DIAPH2: variants seen among roughly 807,000 people sequenced by gnomAD.
The protein encoded by DIAPH2 is protein diaphanous homolog 2.
In DIAPH2, 35 loss-of-function variants were observed where a neutral mutation model predicts 92.7. The ratio of observed to expected loss-of-function variants is 0.38; its 90% CI spans 0.29 to 0.50. The LOEUF (loss-of-function observed/expected upper bound fraction) is 0.50, where lower values mean the gene tolerates loss of function less well. Among genes scored for constraint, DIAPH2 ranks in the 20% least tolerant of loss-of-function variants. The pLI, the probability that DIAPH2 is intolerant of heterozygous loss-of-function variation, is 0.94. For synonymous variants in DIAPH2, 301 were observed against 280.4 expected, an observed-to-expected ratio of 1.07 and a Z score of -0.73; for missense variants, 701 against 819.5, an observed-to-expected ratio of 0.86 and a Z score of 1.77.
At chrX:97,411,830 A>T (rs982914294) in intron 25 of DIAPH2, among the ~76,000 whole-genome samples, 2 of 112,082 alleles carry the variant, frequency 1.8e-5, no homozygotes, top group African/African-American at 6.5e-5. Flanking sequence ...TGGTAAAGGG[A>T]TCAATTCAAC....
intron 22 of DIAPH2, among the ~76,000 whole-genome samples, chrX:97,162,153 T>A (rs1200254761): frequency 2.7e-5 from 3 of 111,321 alleles, no homozygotes; most frequent in Non-Finnish European, 5.6e-5. Flanking sequence ...TCTTTTTTTC[T>A]CCCCACTAAT....
intron 1 of DIAPH2, among the ~76,000 whole-genome samples, chrX:96,696,331 A>AT (rs764924163): frequency 8.9e-6 from 1 of 112,327 alleles, no homozygotes; most frequent in South Asian, 3.7e-4. Context: ...CAAGTCTTTT[A>AT]TTTTTCTTCT....
At chrX:97,369,347 TGTA>T (rs1274365910) in intron 24 of DIAPH2, among the ~76,000 whole-genome samples, 1 of 111,462 alleles carries the variant, frequency 9.0e-6, no homozygotes, top group African/African-American at 3.3e-5. Flanking sequence ...GAGTGCATCT[TGTA>T]GTGATGGTTA....
At chrX:96,770,908 A>G (rs1215825333) in intron 4 of DIAPH2, among the ~76,000 whole-genome samples, 1 of 111,823 alleles carries the variant, frequency 8.9e-6, no homozygotes, top group African/African-American at 3.2e-5. Context: ...CCATTTCCTA[A>G]TGTTTTAACA....
intron 22 of DIAPH2, among the ~76,000 whole-genome samples, chrX:97,172,109 C>A (rs2067459124): frequency 9.0e-6 from 1 of 111,555 alleles, no homozygotes. Flanking sequence ...AGTTGAGGAA[C>A]TTTAGTTTAT....
intron 19 of DIAPH2, among the ~76,000 whole-genome samples, chrX:97,095,022 C>T (rs772628315): frequency 2.9e-5 from 3 of 104,495 alleles, no homozygotes; most frequent in Admixed American, 1.1e-4. Context: ...TGTTTTCTGA[C>T]CAAGCAAAAT....
chrX:97,496,785 A>G (rs1379206949), intron 26 of DIAPH2, among the ~76,000 whole-genome samples: 1 of 107,893 alleles, frequency 9.3e-6, no homozygotes, highest in East Asian at 2.9e-4. Flanking sequence ...TGATCCGCCC[A>G]CATCGGCCTC....
At chrX:97,479,036 C>G (rs2070631122) in intron 26 of DIAPH2, among the ~76,000 whole-genome samples, 2 of 111,646 alleles carry the variant, frequency 1.8e-5, no homozygotes, top group Admixed American at 1.9e-4. Flanking sequence ...GACTTGAAAG[C>G]TATTCCAGCA....
intron 22 of DIAPH2, among the ~76,000 whole-genome samples, chrX:97,153,301 G>T (rs748945650): frequency 9.0e-6 from 1 of 111,712 alleles, no homozygotes; most frequent in East Asian, 2.8e-4. Flanking sequence ...ATGAAGGTCA[G>T]ACCAGGCGCT....
chrX:96,690,798 T>C (rs2063794529), intron 1 of DIAPH2, among the ~76,000 whole-genome samples: 1 of 112,161 alleles, frequency 8.9e-6, no homozygotes, highest in Non-Finnish European at 1.9e-5. Context: ...TTCCATTTGA[T>C]ATCTGTGACA....
intron 23 of DIAPH2, among the ~76,000 whole-genome samples, chrX:97,324,523 GTTT>G (rs1247802832): frequency 1.8e-5 from 2 of 111,844 alleles, no homozygotes; most frequent in African/African-American, 3.2e-5. Context: ...ATGCGTTTTT[GTTT>G]TTAATGACGG....
At chrX:96,871,235 G>A (rs1004024966) in intron 4 of DIAPH2, among the ~76,000 whole-genome samples, 3 of 110,534 alleles carry the variant, frequency 2.7e-5, no homozygotes, top group Non-Finnish European at 3.8e-5. Flanking sequence ...TTGGGAGGCC[G>A]AGGCGGGAGG....
chrX:97,099,084 A>G (rs1344094488), intron 19 of DIAPH2, among the ~76,000 whole-genome samples: 1 of 112,145 alleles, frequency 8.9e-6, no homozygotes, highest in Admixed American at 9.4e-5. Flanking sequence ...TTTTAGTATT[A>G]TTGTACCTAA....
At chrX:96,814,546 CTCCA>C (rs1405157406) in intron 4 of DIAPH2, among the ~76,000 whole-genome samples, 1 of 112,359 alleles carries the variant, frequency 8.9e-6, no homozygotes, top group Non-Finnish European at 1.9e-5. Context: ...CAAAGTCATT[CTCCA>C]TCCAGTTTTG....
chrX:97,069,523 A>G (rs1176002801), intron 17 of DIAPH2, among the ~76,000 whole-genome samples: 1 of 111,225 alleles, frequency 9.0e-6, no homozygotes, highest in Non-Finnish European at 1.9e-5. Context: ...TTTTGGGGAT[A>G]CTTCCATAAT....
At chrX:97,212,597 T>G (rs991081525) in intron 22 of DIAPH2, among the ~76,000 whole-genome samples, 153 of 106,829 alleles carry the variant, frequency 1.4e-3, no homozygotes, top group African/African-American at 4.6e-3. Context: ...TTTGTTTTTT[T>G]TTTTTTTTTT....
chrX:97,412,901 G>A (rs1002381944), intron 25 of DIAPH2, among the ~76,000 whole-genome samples: 5 of 112,031 alleles, frequency 4.5e-5, no homozygotes, highest in Admixed American at 1.9e-4. Flanking sequence ...CTGAAATTGA[G>A]GCAATAATTA....
At chrX:96,809,703 T>G (rs1308174475) in intron 4 of DIAPH2, among the ~76,000 whole-genome samples, 1 of 110,915 alleles carries the variant, frequency 9.0e-6, no homozygotes, top group Non-Finnish European at 1.9e-5. Context: ...GTGTGTGATG[T>G]GCCCCACCCT....
intron 4 of DIAPH2, among the ~76,000 whole-genome samples, chrX:96,837,755 C>T (rs1334457249): frequency 9.0e-6 from 1 of 110,835 alleles, no homozygotes; most frequent in Non-Finnish European, 1.9e-5. Flanking sequence ...ATTGAAATGG[C>T]GGCCTTTTTG....
Sources: gnomAD v4.1 joint callset for allele counts (sites outside exome capture counted in the v4.1 genomes callset) on GRCh38, gnomAD v4.1.1 for gene constraint, MANE v1.5 for transcripts, NCBI Gene and HGNC (gene_info 2026-07-23, HGNC 2026-07-21) for gene names.